MAN1C1: variants seen among roughly 807,000 people sequenced by gnomAD.
MAN1C1 encodes mannosyl-oligosaccharide 1,2-alpha-mannosidase IC.
A neutral mutation model predicts 71.5 loss-of-function variants in MAN1C1; 49 were observed. The ratio of observed to expected loss-of-function variants is 0.69; its 90% CI spans 0.54 to 0.87. MAN1C1 has a LOEUF of 0.87. Ranked by LOEUF, MAN1C1 falls within the 40% of genes least tolerant of loss-of-function variation. The probability of loss-of-function intolerance (pLI) is 0.00; values close to 1 mark genes in which losing one functional copy is unlikely to be tolerated. For missense variants in MAN1C1, 743 were observed against 835.0 expected, an observed-to-expected ratio of 0.89 and a Z score of 1.36; for synonymous variants, 352 against 343.7, an observed-to-expected ratio of 1.02 and a Z score of -0.27.
intron 2 of MAN1C1, among the ~76,000 whole-genome samples, chr1:25,715,122 C>A (rs1049425690): frequency 2.0e-5 from 3 of 152,146 alleles, no homozygotes; most frequent in Non-Finnish European, 2.9e-5. Context: ...CAAGCTGGTA[C>A]AACAACTTTA....
chr1:25,720,371 C>T (rs746965998), intron 2 of MAN1C1, among the ~76,000 whole-genome samples: 8 of 151,390 alleles, frequency 5.3e-5, no homozygotes, highest in South Asian at 2.1e-4. Context: ...CCGCCATGCC[C>T]GGCTAATTTT....
rs528514531 is a variant in MAN1C1, at chr1:25,731,759, TCTC to T, written c.638-14905_638-14903del. On this transcript the variant is annotated intron_variant, in intron 2 of 11. Coordinates refer to ENST00000374332, the MANE Select transcript of MAN1C1 (RefSeq NM_020379.4). ...CTTGGTCTATAGGAGTGTGGGCTGG[TCTC>T]CTCTTTACTGATGCTGGGAGTAAAC... Among the ~76,000 whole-genome samples the T allele has an allele frequency of 8.5e-5, 13 of 152,238 alleles. No individual in the cohort carries two copies. In the South Asian group the frequency reaches 2.5e-3, roughly 29 times the overall value.
At chr1:25,662,843 C>T (rs557861901) in intron 1 of MAN1C1, among the ~76,000 whole-genome samples, 1 of 152,302 alleles carries the variant, frequency 6.6e-6, no homozygotes, top group African/African-American at 2.4e-5. Flanking sequence ...GGGAGGATCA[C>T]GAGGTTAGGA....
chr1:25,777,298 C>T (rs1227056497), intron 8 of MAN1C1, among the ~76,000 whole-genome samples: 1 of 152,174 alleles, frequency 6.6e-6, no homozygotes, highest in Non-Finnish European at 1.5e-5. Flanking sequence ...GGAGTCTGGC[C>T]TCGAGACTGT....
rs571240257 is a variant in MAN1C1, at chr1:25,769,694, G to A, written c.1142-1963G>A. ...TGCTCAGCACTCCATGGGCATCTCTGTGCGCCGTGTAGTTACTGGGCACAG... is the reference window on the plus strand; with the variant it reads ...TGCTCAGCACTCCATGGGCATCTCTATGCGCCGTGTAGTTACTGGGCACAG... On this transcript the variant is annotated intron_variant, in intron 7 of 11. Coordinates refer to ENST00000374332, the MANE Select transcript of MAN1C1 (RefSeq NM_020379.4). The surrounding 1 kb of genome is among the most constrained non-coding windows in gnomAD (Gnocchi z 4.8). Among the ~76,000 whole-genome samples the A allele has an allele frequency of 6.6e-6, 1 of 152,142 alleles. No individual in the cohort carries two copies. The highest frequency in any genetic ancestry group is 1.5e-5 in the Non-Finnish European group (1 of 68,024).
In MAN1C1 at chr1:25,782,470, G is replaced by C; in HGVS notation, c.1651-115G>C. The stretch of plus-strand genomic sequence containing the variant: ...AATGCCAGGAGTCCCCAGCCAAGGG[G>C]TGGGGGTGCTGTCTGCTTTCTTCTA... On this transcript the variant is annotated intron_variant, in intron 10 of 11. Transcript: ENST00000374332. This position sits in a 1 kb window ranked among gnomAD's most constrained non-coding sequence, Gnocchi z 4.4. 1.5e-6 allele frequency: 1 copy of C among 659,538 alleles called. No homozygotes were observed. Among genetic ancestry groups the C allele is most frequent in the Non-Finnish European group, 2.7e-6 (1 of 366,854 alleles). 40.9% of individuals were successfully genotyped at this position (659,538 alleles called of 1,614,324 possible).
At chr1:25,684,827 C>T (rs1268694) in intron 1 of MAN1C1, among the ~76,000 whole-genome samples, 1 of 152,102 alleles carries the variant, frequency 6.6e-6, no homozygotes, top group Non-Finnish European at 1.5e-5. Flanking sequence ...ACTGTCTGGG[C>T]GTGAGGTGAG....
chr1:25,688,651 C>T (rs574343666), intron 2 of MAN1C1, among the ~76,000 whole-genome samples: 18 of 152,290 alleles, frequency 1.2e-4, no homozygotes, highest in African/African-American at 4.1e-4. Flanking sequence ...GGAAAGAACC[C>T]GGAATTAGAA....
chr1:25,680,229 A>AT (rs1270398551), intron 1 of MAN1C1, among the ~76,000 whole-genome samples: 1 of 151,822 alleles, frequency 6.6e-6, no homozygotes, highest in East Asian at 1.9e-4. Flanking sequence ...CACCTGGCTA[A>AT]TTTTTGTATG....
intron 2 of MAN1C1, among the ~76,000 whole-genome samples, chr1:25,692,042 C>A (rs2046316350): frequency 6.6e-6 from 1 of 152,214 alleles, no homozygotes; most frequent in Non-Finnish European, 1.5e-5. Context: ...GCGAGTCCAA[C>A]CCCCTCATTT....
chr1:25,772,910 T>C (rs1457070054), intron 8 of MAN1C1, among the ~76,000 whole-genome samples: 1 of 152,184 alleles, frequency 6.6e-6, no homozygotes, highest in Non-Finnish European at 1.5e-5. Context: ...GCACTTGCTG[T>C]CCCCTCTGCC....
intron 2 of MAN1C1, among the ~76,000 whole-genome samples, chr1:25,712,173 G>A (rs1572167694): frequency 6.6e-6 from 1 of 152,364 alleles, no homozygotes; most frequent in Non-Finnish European, 1.5e-5. Flanking sequence ...GAAAGTAACA[G>A]TACTGGATCA....
At chr1:25,748,995 G>A (rs1243249732) in intron 3 of MAN1C1, among the ~76,000 whole-genome samples, 3 of 152,216 alleles carry the variant, frequency 2.0e-5, no homozygotes, top group East Asian at 1.9e-4. Context: ...ACCAGGCATC[G>A]CTTTGCTGCC....
intron 1 of MAN1C1, among the ~76,000 whole-genome samples, chr1:25,648,716 CA>C (rs2045650629): frequency 6.6e-6 from 1 of 152,180 alleles, no homozygotes; most frequent in South Asian, 2.1e-4. Context: ...TGGCTTTCAG[CA>C]AATGGTAAAC....
At chr1:25,671,756 A>G (rs941109415) in intron 1 of MAN1C1, among the ~76,000 whole-genome samples, 1 of 152,238 alleles carries the variant, frequency 6.6e-6, no homozygotes, top group African/African-American at 2.4e-5. Flanking sequence ...AGTGACTTAG[A>G]ACACAAATTC....
chr1:25,712,746 G>A (rs2046630272), intron 2 of MAN1C1, among the ~76,000 whole-genome samples: 1 of 152,156 alleles, frequency 6.6e-6, no homozygotes, highest in Non-Finnish European at 1.5e-5. Context: ...TTAGTGCCCT[G>A]GGGTGACTTT....
chr1:25,672,413 C>T (rs1179888989), intron 1 of MAN1C1, among the ~76,000 whole-genome samples: 1 of 152,192 alleles, frequency 6.6e-6, no homozygotes, highest in Non-Finnish European at 1.5e-5. Context: ...ATCTGGGCAT[C>T]CCTTAGTGCA....
chr1:25,739,589 G>A (rs1025307094), intron 2 of MAN1C1, among the ~76,000 whole-genome samples: 43 of 152,186 alleles, frequency 2.8e-4, no homozygotes, highest in African/African-American at 8.9e-4. Flanking sequence ...AGTCAGCAGG[G>A]TGGGATACAG....
At chr1:25,651,123 T>G (rs538774296) in intron 1 of MAN1C1, among the ~76,000 whole-genome samples, 11 of 152,228 alleles carry the variant, frequency 7.2e-5, no homozygotes, top group African/African-American at 2.6e-4. Context: ...GAACAGGTGT[T>G]CTGGAAATCA....
Sources: gnomAD v4.1 joint callset for allele counts (sites outside exome capture counted in the v4.1 genomes callset) on GRCh38, gnomAD v4.1.1 for gene constraint, Gnocchi (gnomAD v3.1) non-coding constraint, MANE v1.5 for transcripts, NCBI Gene and HGNC (gene_info 2026-07-23, HGNC 2026-07-21) for gene names.